Variants in MAN2B2 observed in about 807,000 individuals in gnomAD.
MAN2B2 encodes the protein epididymis-specific alpha-mannosidase.
In MAN2B2, 106 loss-of-function variants were observed where a neutral mutation model predicts 117.1. That is an observed-to-expected ratio of 0.90 (90% confidence interval 0.77 to 1.06). The LOEUF is 1.06. Among genes scored for constraint, MAN2B2 ranks in the 50% least tolerant of loss-of-function variants. The probability of loss-of-function intolerance (pLI) is 0.00; values close to 1 mark genes in which losing one functional copy is unlikely to be tolerated. For missense variants in MAN2B2, 1,326 were observed against 1,381.4 expected (o/e 0.96, Z 0.64); for synonymous variants, 544 against 595.1 (o/e 0.91, Z 1.25).
At chr4:6,593,753 C>A (rs114353106) in intron 6 of MAN2B2, among the ~76,000 whole-genome samples, 1,890 of 152,358 alleles carry the variant, frequency 0.012, 17 homozygotes, top group Middle Eastern at 0.024. Flanking sequence ...TCGTGGCCAT[C>A]GTCACAGCTA....
intron 11 of MAN2B2, among the ~76,000 whole-genome samples, chr4:6,607,214 T>A (rs1165453209): frequency 1.3e-5 from 2 of 152,192 alleles, no homozygotes; most frequent in African/African-American, 2.4e-5. Context: ...TATTGATTGA[T>A]TGATTGATTG....
intron 18 of MAN2B2, 36 bp downstream of exon 18, chr4:6,620,080 C>A (rs1243382550): frequency 6.4e-7 from 1 of 1,551,184 alleles, no homozygotes; most frequent in East Asian, 2.4e-5. Flanking sequence ...CTACCCAGGA[C>A]TCCCAGCCAG....
At chr4:6,585,039 C>G (rs908062522) in intron 3 of MAN2B2, among the ~76,000 whole-genome samples, 1 of 152,158 alleles carries the variant, frequency 6.6e-6, no homozygotes, top group Non-Finnish European at 1.5e-5. Flanking sequence ...GGCACTCCCC[C>G]TGTGCTCCCC....
chr4:6,599,755 C>T (rs1010537347), intron 9 of MAN2B2, among the ~76,000 whole-genome samples: 3 of 152,206 alleles, frequency 2.0e-5, no homozygotes, highest in Non-Finnish European at 4.4e-5. Context: ...CTGTGGCCTG[C>T]CCACTGCCCT....
Position 6,609,920 on chromosome 4 carries a change from A to T in MAN2B2, c.2129A>T (p.Glu710Val). 1 of 1,614,128 alleles carries T rather than the reference A, an allele frequency of 6.2e-7. No individual in the cohort carries two copies. ...CAGGAGTACCAAGCCGGCCCCCTGG[A>T]GCTGAACCGTGAGGCTGTCCTGAGG... ...IEQEYQAGPL[E>V]LNREAVLRTS... The change falls in exon 13 of 19, where the codon GAG becomes GTG. Residue 710 changes from glutamate to valine, a missense_variant. By Grantham distance (121) the Glu-to-Val change is moderately radical (BLOSUM62 -2). Transcript: ENST00000285599.
intron 5 of MAN2B2, among the ~76,000 whole-genome samples, chr4:6,590,766 G>A (rs1193890486): frequency 1.3e-5 from 2 of 152,240 alleles, no homozygotes; most frequent in Non-Finnish European, 2.9e-5. Flanking sequence ...ACGTGGCCTG[G>A]CTTTGTTGTT....
chr4:6,609,335 C>CA (rs1252363732), intron 12 of MAN2B2, 37 bp downstream of exon 12: 34 of 1,596,202 alleles, frequency 2.1e-5, no homozygotes, highest in Non-Finnish European at 2.9e-5. Context: ...GCCCGGCACA[C>CA]AGTCAGCGCA....
At chr4:6,604,094 A>G (rs533740284) in intron 10 of MAN2B2, among the ~76,000 whole-genome samples, 48 of 152,256 alleles carry the variant, frequency 3.2e-4, no homozygotes, top group African/African-American at 1.2e-3. Context: ...GTCCAGGTGG[A>G]GGGCACAGCG....
At chr4:6,621,042 G>A in intron 18 of MAN2B2, 146 bp from the exon 19 acceptor site, 1 of 609,198 alleles carries the variant, frequency 1.6e-6, no homozygotes, top group Non-Finnish European at 2.9e-6. Flanking sequence ...AAGGAGGCTG[G>A]GAGCCACAGC....
At chr4:6,606,723 A>G (rs1413937791) in intron 11 of MAN2B2, among the ~76,000 whole-genome samples, 2 of 152,202 alleles carry the variant, frequency 1.3e-5, no homozygotes, top group African/African-American at 4.8e-5. Context: ...CCTGAGCAGA[A>G]AGGAGGAGCT....
At chr4:6,610,746 C>A (rs1293502935) in intron 13 of MAN2B2, 134 bp from the exon 14 acceptor site, 1 of 728,232 alleles carries the variant, frequency 1.4e-6, no homozygotes, top group East Asian at 2.6e-5. Flanking sequence ...GTCTGTTGGT[C>A]TCCAAAGTCA....
intron 10 of MAN2B2, among the ~76,000 whole-genome samples, chr4:6,603,281 G>C (rs565348616): frequency 8.5e-5 from 13 of 152,182 alleles, no homozygotes; most frequent in African/African-American, 3.1e-4. Context: ...GGGAGGCGGA[G>C]GAGGGGCTGA....
intron 8 of MAN2B2, 31 bp from the exon 9 acceptor site, chr4:6,598,166 CT>C: frequency 6.2e-7 from 1 of 1,605,790 alleles, no homozygotes. Flanking sequence ...GGTCCTGATC[CT>C]GTTCTTCCTC....
chr4:6,586,980 G>A lies in MAN2B2; in HGVS notation c.392-16G>A. ...CCCGCCCTCCAGGCACCAGCAGGGT[G>A]TTGCTGTCTTTGCAGAAGGACACGG... On this transcript the variant is annotated splice_polypyrimidine_tract_variant and intron_variant, in intron 3 of 18. Transcript: ENST00000285599. 6.2e-7 allele frequency: 1 copy of A among 1,609,404 alleles called. No homozygotes were observed.
At chr4:6,589,541 C>G (rs1309957854) in intron 5 of MAN2B2, among the ~76,000 whole-genome samples, 2 of 152,064 alleles carry the variant, frequency 1.3e-5, no homozygotes, top group African/African-American at 4.8e-5. Flanking sequence ...GCGCCCAGCC[C>G]TATTCTGCAG....
Position 6,621,509 on chromosome 4 carries a change from C to G in MAN2B2, c.*224C>G. The G allele has an allele frequency of 5.8e-6, 3 of 515,192 alleles. No homozygotes were observed. The East Asian group carries it at 9.7e-5, about 17-fold the overall frequency. 31.9% of individuals were successfully genotyped at this position (515,192 alleles called of 1,614,324 possible). On this transcript the variant is annotated 3_prime_UTR_variant, in exon 19 of 19. Coordinates refer to ENST00000285599, the MANE Select transcript of MAN2B2 (RefSeq NM_015274.3). Reference sequence around the variant, plus strand: ...TCTTCCCCCCCACACTCAATCAAGCCAGCCCTCTCCTCTTCTGTCACGTAA... The same window carrying G: ...TCTTCCCCCCCACACTCAATCAAGCGAGCCCTCTCCTCTTCTGTCACGTAA...
At chr4:6,597,425 A>C in intron 8 of MAN2B2, 122 bp downstream of exon 8, 1 of 1,093,480 alleles carries the variant, frequency 9.1e-7, no homozygotes, top group Non-Finnish European at 1.3e-6. Flanking sequence ...ACAGAGGGGA[A>C]ACTGAGGTTC....
intron 4 of MAN2B2, 147 bp from the exon 5 acceptor site, chr4:6,588,898 C>T (rs184241707): frequency 4.3e-5 from 27 of 625,336 alleles, no homozygotes; most frequent in South Asian, 1.2e-4. Flanking sequence ...CAGTCTTAGA[C>T]GGAAACGGCA....
chr4:6,619,816 G>A (rs1459273879), intron 17 of MAN2B2, 111 bp from the exon 18 acceptor site: 16 of 863,296 alleles, frequency 1.9e-5, no homozygotes, highest in Non-Finnish European at 3.0e-5. Context: ...GGAGGACCTG[G>A]GCTCCTGAGG....
Sources: allele counts gnomAD v4.1 joint callset (sites outside exome capture counted in the v4.1 genomes callset), GRCh38; gene constraint gnomAD v4.1.1; transcripts MANE v1.5; gene names NCBI Gene and HGNC (gene_info 2026-07-23, HGNC 2026-07-21).